The following TYRO3 variants were observed in gnomAD, a reference collection of about 807,000 sequenced individuals.
TYRO3 encodes tyrosine-protein kinase receptor TYRO3.
TYRO3 carries 38 observed loss-of-function variants against 95.2 expected under a neutral mutation model. That is an observed-to-expected ratio of 0.40 (90% confidence interval 0.31 to 0.52). TYRO3 has a LOEUF of 0.52. TYRO3 is among the 20% of genes least tolerant of loss of function. The pLI is 0.56. For missense variants in TYRO3, 812 were observed against 1,116.4 expected (o/e 0.73, Z 3.89); for synonymous variants, 367 against 432.9 (o/e 0.85, Z 1.89).
chr15:41,559,432 C>T, intron 1 of TYRO3, 51 bp downstream of exon 1: 3 of 219,966 alleles, frequency 1.4e-5, no homozygotes, highest in East Asian at 5.9e-5. Context: ...CGGAGGGGCG[C>T]GGCCGGGGGT....
chr15:41,574,985 C>G (rs1283957966), intron 18 of TYRO3, among the ~76,000 whole-genome samples: 1 of 152,222 alleles, frequency 6.6e-6, no homozygotes, highest in Non-Finnish European at 1.5e-5. Context: ...TCCCAAAATG[C>G]TGGGATTACA....
chr15:41,565,460 G>T (rs182974617), intron 6 of TYRO3, among the ~76,000 whole-genome samples: 347 of 151,858 alleles, frequency 2.3e-3, no homozygotes, highest in African/African-American at 8.2e-3. Context: ...CCAGGCTGGA[G>T]TGCAGTGGTG....
intron 18 of TYRO3, among the ~76,000 whole-genome samples, chr15:41,574,997 G>A (rs986458103): frequency 2.0e-5 from 3 of 152,248 alleles, no homozygotes; most frequent in Admixed American, 6.5e-5. Flanking sequence ...GGGATTACAG[G>A]TGTGAGCCAC....
rs748781112 is a variant in TYRO3, at chr15:41,573,688, G to A, written c.2155G>A (p.Gly719Arg). ...YTVQSDVWAF[G>R]VTMWEIMTRG... Reference sequence around the variant, plus strand: ...CTCGATTCTGTCCCAGTGGGCGTTCGGGGTGACCATGTGGGAGATCATGAC... The same window carrying A: ...CTCGATTCTGTCCCAGTGGGCGTTCAGGGTGACCATGTGGGAGATCATGAC... Residue 719 changes from glycine (G) to arginine (R), a missense_variant, in exon 18 of 19, where the codon GGG (glycine) becomes AGG (arginine). Gly to Arg is a moderately radical substitution (Grantham distance 125). Coordinates refer to ENST00000263798, the MANE Select transcript of TYRO3 (RefSeq NM_006293.4). 1.9e-6 allele frequency: 3 copies of A among 1,614,122 alleles called. No individual in the cohort carries two copies. The highest frequency in any genetic ancestry group is 1.7e-5 in the Admixed American group (1 of 60,006).
chr15:41,569,297 T>A (rs28438401), intron 9 of TYRO3, among the ~76,000 whole-genome samples: 33,682 of 138,430 alleles, frequency 0.24, 4,328 homozygotes, highest in Middle Eastern at 0.34. Flanking sequence ...ACAAAAAAAT[T>A]AAAAAAAAAA....
chr15:41,559,450 CG>C, intron 1 of TYRO3, 69 bp downstream of exon 1: 1 of 176,206 alleles, frequency 5.7e-6, no homozygotes, highest in Non-Finnish European at 1.2e-5. Context: ...GGTCGGAGCC[CG>C]GGGCGGGCCT....
intron 3 of TYRO3, 192 bp from the exon 4 acceptor site, chr15:41,562,354 AAT>A: frequency 2.3e-6 from 1 of 433,694 alleles, no homozygotes; most frequent in Non-Finnish European, 4.0e-6. Context: ...AAAAAAAAAA[AAT>A]TCCTAAGGAG....
chr15:41,562,305 T>G, intron 3 of TYRO3: 2 of 299,424 alleles, frequency 6.7e-6, no homozygotes, highest in South Asian at 5.9e-5. Flanking sequence ...CTGGGCAACA[T>G]AGAGAGACCT....
chr15:41,582,538 T>C lies in TYRO3; in HGVS notation c.*4262T>C, dbSNP rs1595509127. 2.0e-5 allele frequency: 3 copies of C among 149,536 alleles called. No homozygotes were observed. In the South Asian group the frequency reaches 6.3e-4, roughly 31 times the overall value. 9.3% of individuals were successfully genotyped at this position (149,536 alleles called of 1,614,324 possible). The stretch of plus-strand genomic sequence containing the variant: ...CATCTCGGAAAAAAAAAAAATTAGC[T>C]GGGCGTGCTGGTGGGTGCCTGTAAT... On this transcript the variant is annotated 3_prime_UTR_variant, in exon 19 of 19. Transcript: ENST00000263798.
At position 41,573,586 on chromosome 15, in the gene TYRO3, A is replaced by C; in HGVS notation, c.2146-93A>C. 5 of 1,428,778 alleles carry C rather than the reference A, an allele frequency of 3.5e-6. No individual in the cohort carries two copies. In the South Asian group the frequency reaches 6.2e-5, roughly 18 times the overall value. 88.5% of individuals were successfully genotyped at this position (1,428,778 alleles called of 1,614,324 possible). On this transcript the variant is annotated intron_variant, in intron 17 of 18. Coordinates refer to ENST00000263798, the MANE Select transcript of TYRO3 (RefSeq NM_006293.4). ...TTGGTTGCCCCCTGATGAGGCCCTG[A>C]GCCCCAGGTTGTGCTTGTCTCAGAG... is the stretch of plus-strand genomic sequence containing the variant.
At position 41,562,630 on chromosome 15, in the gene TYRO3, T is replaced by G. The variant is rs777524383; in HGVS notation, c.492T>G (p.Gly164=). The part of the protein sequence containing the change: ...APFQLSCEAV[G]PPEPVTIVWW... ...TCCAACTGTCTTGTGAGGCTGTGGGTCCCCCTGAACCTGTTACCATTGTCT... is the reference window on the plus strand; with the variant it reads ...TCCAACTGTCTTGTGAGGCTGTGGGGCCCCCTGAACCTGTTACCATTGTCT... The change falls in exon 4 of 19, where the codon GGT becomes GGG. Residue 164 remains glycine, a synonymous_variant. Transcript: ENST00000263798. The G allele has an allele frequency of 1.2e-6, 2 of 1,613,964 alleles. No homozygotes were observed. The highest frequency in any genetic ancestry group is 1.7e-6 in the Non-Finnish European group (2 of 1,180,030).
chr15:41,567,899 C>G (rs971219527), intron 7 of TYRO3, among the ~76,000 whole-genome samples: 1 of 152,124 alleles, frequency 6.6e-6, no homozygotes, highest in African/African-American at 2.4e-5. Flanking sequence ...GTGCAAAGAC[C>G]CTATGACAGG....
chr15:41,571,370 G>A (rs1430745118), intron 13 of TYRO3, among the ~76,000 whole-genome samples: 1 of 152,190 alleles, frequency 6.6e-6, no homozygotes, highest in Non-Finnish European at 1.5e-5. Context: ...AGCTGTGGTT[G>A]GTTGACCTGC....
intron 8 of TYRO3, 33 bp downstream of exon 8, chr15:41,568,395 C>T (rs967548120): frequency 2.7e-5 from 43 of 1,592,566 alleles, no homozygotes; most frequent in Non-Finnish European, 3.3e-5. Flanking sequence ...CTCCACTCTC[C>T]TGGAGTATAA....
chr15:41,571,311 C>A (rs552695910), intron 13 of TYRO3, among the ~76,000 whole-genome samples, 193 bp downstream of exon 13: 1 of 152,246 alleles, frequency 6.6e-6, no homozygotes, highest in African/African-American at 2.4e-5. Context: ...AGCCATTGCT[C>A]TCTGCCATCG....
rs912510189 is a variant in TYRO3, at chr15:41,581,515, G to C, written c.*3239G>C. 1 of 152,218 alleles carries C rather than the reference G, an allele frequency of 6.6e-6. No individual in the cohort carries two copies. 9.4% of individuals were successfully genotyped at this position (152,218 alleles called of 1,614,324 possible). A position where few individuals can be genotyped will look rare whatever the true frequency, so the allele number is the denominator to read the frequency against. On this transcript the variant is annotated 3_prime_UTR_variant, in exon 19 of 19. Transcript: ENST00000263798. ...TGATTACCTGTGAGATAACATCTGG[G>C]AATTATTGATTGAAAAGACCTTCAC...
chr15:41,563,577 C>T (rs1027575677), intron 4 of TYRO3, among the ~76,000 whole-genome samples: 4 of 152,142 alleles, frequency 2.6e-5, no homozygotes, highest in African/African-American at 2.4e-5. Context: ...CACTTCCTTC[C>T]AGGTGTGCGT....
At chr15:41,568,635 C>T (rs1250983625) in intron 8 of TYRO3, among the ~76,000 whole-genome samples, 1 of 152,106 alleles carries the variant, frequency 6.6e-6, no homozygotes, top group Non-Finnish European at 1.5e-5. Flanking sequence ...TTGTCCCCAG[C>T]TCAGTTCGCT....
In TYRO3 at chr15:41,564,181, C is replaced by T. The variant is rs2055691426; in HGVS notation, c.581-3C>T. On this transcript the variant is annotated splice_region_variant and splice_polypyrimidine_tract_variant and intron_variant, in intron 4 of 18. Transcript: ENST00000263798. ...GGAGCTGACTGAGGTTTTCTGGCCC[C>T]AGGGGTGACCCAGAGCACCATGTTT... The T allele has an allele frequency of 6.2e-7, 1 of 1,613,956 alleles. No individual in the cohort carries two copies. The highest frequency in any genetic ancestry group is 8.5e-7 in the Non-Finnish European group (1 of 1,179,970).
Sources: allele counts gnomAD v4.1 joint callset (sites outside exome capture counted in the v4.1 genomes callset), GRCh38; gene constraint gnomAD v4.1.1; transcripts MANE v1.5; gene names NCBI Gene and HGNC (gene_info 2026-07-23, HGNC 2026-07-21).